The following CCDC175 variants were observed in gnomAD, a reference collection of about 807,000 sequenced individuals.
CCDC175 encodes the protein coiled-coil domain containing 175.
Under a neutral mutation model 114.6 loss-of-function variants are expected in CCDC175, and 100 were observed. That is an observed-to-expected ratio of 0.87 (90% CI 0.74 to 1.03). The LOEUF is 1.03. Among genes scored for constraint, CCDC175 ranks in the 50% least tolerant of loss-of-function variants. The pLI, the probability that CCDC175 is intolerant of heterozygous loss-of-function variation, is 0.00. For missense variants in CCDC175, 880 were observed against 917.8 expected (o/e 0.96, Z 0.53); for synonymous variants, 306 against 308.7 (o/e 0.99, Z 0.09).
chr14:59,525,609 C>T (rs1477612037), intron 15 of CCDC175, among the ~76,000 whole-genome samples, 175 bp from the exon 16 acceptor site: 1 of 152,112 alleles, frequency 6.6e-6, no homozygotes, highest in South Asian at 2.1e-4. Flanking sequence ...TTCATGGACT[C>T]TAGGAAGGGG....
At chr14:59,512,319 T>C (rs1234544668) in intron 17 of CCDC175, among the ~76,000 whole-genome samples, 2 of 152,248 alleles carry the variant, frequency 1.3e-5, no homozygotes, top group African/African-American at 4.8e-5. Context: ...TCTCAGTGGC[T>C]GTCTGAGCAG....
At chr14:59,505,402 C>G in intron 19 of CCDC175, 87 bp from the exon 20 acceptor site, 1 of 619,250 alleles carries the variant, frequency 1.6e-6, no homozygotes, top group African/African-American at 1.8e-5. Flanking sequence ...TTCTGAGTTG[C>G]CCAAAGAATC....
chr14:59,518,592 G>A (rs1000587737), intron 17 of CCDC175, among the ~76,000 whole-genome samples: 49 of 152,200 alleles, frequency 3.2e-4, no homozygotes, highest in Non-Finnish European at 5.9e-4. Context: ...GGACATCAGA[G>A]AAATGCAAAT....
chr14:59,556,845 G>A (rs913263414), intron 7 of CCDC175, among the ~76,000 whole-genome samples: 8 of 152,136 alleles, frequency 5.3e-5, no homozygotes, highest in African/African-American at 1.9e-4. Context: ...CATTTATGCA[G>A]CCAAAAGATA....
intron 11 of CCDC175, among the ~76,000 whole-genome samples, chr14:59,539,316 G>A (rs997467469): frequency 2.0e-5 from 3 of 152,320 alleles, no homozygotes; most frequent in Non-Finnish European, 2.9e-5. Flanking sequence ...AGTGGCTCAC[G>A]CCTATAATCC....
At chr14:59,515,076 A>T (rs980880323) in intron 17 of CCDC175, among the ~76,000 whole-genome samples, 1 of 152,208 alleles carries the variant, frequency 6.6e-6, no homozygotes, top group African/African-American at 2.4e-5. Context: ...AAGCTTCATA[A>T]ATGAAGGAGA....
At chr14:59,548,720 G>C (rs1210457834) in intron 8 of CCDC175, among the ~76,000 whole-genome samples, 1 of 152,184 alleles carries the variant, frequency 6.6e-6, no homozygotes, top group Non-Finnish European at 1.5e-5. Flanking sequence ...ACCTTGTCTG[G>C]TTTCTGTCTG....
At chr14:59,534,555 TAGATATCACAGTTGC>T (rs1894281478) in intron 13 of CCDC175, among the ~76,000 whole-genome samples, 1 of 152,186 alleles carries the variant, frequency 6.6e-6, no homozygotes, top group Non-Finnish European at 1.5e-5. Flanking sequence ...ACTGTGTAAC[TAGATATCACAGTTGC>T]AGAAGGTCAA....
At chr14:59,567,350 G>A (rs1193107235) in intron 4 of CCDC175, among the ~76,000 whole-genome samples, 1 of 152,082 alleles carries the variant, frequency 6.6e-6, no homozygotes, top group African/African-American at 2.4e-5. Context: ...GCCTGGTTTG[G>A]GATCAATGTC....
In CCDC175 at chr14:59,525,234, G is replaced by A. The variant is rs1594999193; in HGVS notation, c.1995+48C>T. ...TTCTCTTATAACTATTACAGGTCTA[G>A]TCAATTAATCAAAGCCATCATGAAA... On this transcript the variant is annotated intron_variant, in intron 16 of 19. Transcript: ENST00000537690. The A allele has an allele frequency of 5.5e-6, 7 of 1,268,122 alleles. No individual in the cohort carries two copies. The East Asian group carries it at 1.9e-4, about 35-fold the overall frequency. The allele number at this position is 1,268,122 out of a possible 1,614,324, so 78.6% of individuals were successfully genotyped here.
intron 6 of CCDC175, among the ~76,000 whole-genome samples, chr14:59,563,278 T>C (rs949022511): frequency 1.3e-5 from 2 of 152,204 alleles, no homozygotes; most frequent in African/African-American, 4.8e-5. Flanking sequence ...AGAGCTCTGA[T>C]GTATTTTCTA....
At chr14:59,521,464 T>C in intron 17 of CCDC175, 110 bp downstream of exon 17, 2 of 618,288 alleles carry the variant, frequency 3.2e-6, no homozygotes, top group Non-Finnish European at 5.6e-6. Context: ...TACCTTGTGA[T>C]CATGTGAGTC....
intron 19 of CCDC175, among the ~76,000 whole-genome samples, chr14:59,507,090 G>A (rs7143721): frequency 6.6e-6 from 1 of 152,130 alleles, no homozygotes; most frequent in Non-Finnish European, 1.5e-5. Flanking sequence ...ATAAAATTAA[G>A]GCAAAAAGTA....
chr14:59,547,764 T>A (rs1392878160), intron 8 of CCDC175, among the ~76,000 whole-genome samples: 1 of 152,214 alleles, frequency 6.6e-6, no homozygotes, highest in Admixed American at 6.5e-5. Flanking sequence ...CAGAAGAGAA[T>A]AGTCTCATGA....
chr14:59,572,016 G>T (rs1426186031), intron 3 of CCDC175, among the ~76,000 whole-genome samples: 2 of 151,876 alleles, frequency 1.3e-5, no homozygotes, highest in African/African-American at 2.4e-5. Flanking sequence ...ATGGATTAAG[G>T]ATGTTCAACT....
chr14:59,519,266 T>C (rs1344107423), intron 17 of CCDC175, among the ~76,000 whole-genome samples: 3 of 151,970 alleles, frequency 2.0e-5, no homozygotes, highest in South Asian at 4.2e-4. Context: ...TGTATACATA[T>C]GTAACTAACC....
intron 13 of CCDC175, among the ~76,000 whole-genome samples, chr14:59,533,318 T>A: frequency 6.6e-6 from 1 of 152,084 alleles, no homozygotes; most frequent in East Asian, 1.9e-4. Context: ...AAATCAGGAG[T>A]CATTGTTATA....
intron 13 of CCDC175, among the ~76,000 whole-genome samples, chr14:59,534,771 G>T (rs933358937): frequency 6.6e-6 from 1 of 152,128 alleles, no homozygotes; most frequent in African/African-American, 2.4e-5. Flanking sequence ...TCAGAGTCAG[G>T]CCTATGGAAA....
At chr14:59,523,773 AG>A in intron 16 of CCDC175, among the ~76,000 whole-genome samples, 1 of 152,290 alleles carries the variant, frequency 6.6e-6, no homozygotes, top group African/African-American at 2.4e-5. Flanking sequence ...GCGGATCACA[AG>A]GTCAGGAGAT....
Sources: gnomAD v4.1 joint callset for allele counts (sites outside exome capture counted in the v4.1 genomes callset) on GRCh38, gnomAD v4.1.1 for gene constraint, MANE v1.5 for transcripts, NCBI Gene and HGNC (gene_info 2026-07-23, HGNC 2026-07-21) for gene names.